MECOM: variants seen among roughly 807,000 people sequenced by gnomAD.
MECOM encodes the protein MDS1 and EVI1 complex locus, also known as histone-lysine N-methyltransferase MECOM.
Under a neutral mutation model 116.3 loss-of-function variants are expected in MECOM, and 13 were observed. The ratio of observed to expected loss-of-function variants is 0.11; its 90% CI spans 0.07 to 0.18. The LOEUF is 0.18. Ranked by LOEUF, MECOM falls within the 10% of genes least tolerant of loss-of-function variation. The pLI is 1.00. For missense variants in MECOM, 1,299 were observed against 1,509.0 expected, an observed-to-expected ratio of 0.86 and a Z score of 2.31; for synonymous variants, 528 against 535.2, an observed-to-expected ratio of 0.99 and a Z score of 0.19.
intron 2 of MECOM, among the ~76,000 whole-genome samples, chr3:169,208,426 C>T (rs985600934): frequency 2.0e-4 from 31 of 151,326 alleles, no homozygotes; most frequent in African/African-American, 7.3e-4. Context: ...AAAACAAAAG[C>T]TCATAACAGC....
chr3:169,295,867 A>G (rs1715493178), intron 2 of MECOM, among the ~76,000 whole-genome samples: 1 of 152,240 alleles, frequency 6.6e-6, no homozygotes, highest in South Asian at 2.1e-4. Flanking sequence ...TACAATCACA[A>G]GTATATTCAT....
intron 2 of MECOM, among the ~76,000 whole-genome samples, chr3:169,320,496 C>A (rs1335196044): frequency 1.3e-5 from 2 of 152,102 alleles, no homozygotes; most frequent in Non-Finnish European, 1.5e-5. Context: ...AAAGACTAAC[C>A]CTTTCCCAGG....
chr3:169,551,782 T>C (rs1312625381), intron 1 of MECOM, among the ~76,000 whole-genome samples: 2 of 152,162 alleles, frequency 1.3e-5, no homozygotes, highest in African/African-American at 2.4e-5. Flanking sequence ...TTATTTATAA[T>C]AGCTAGAAAA....
Position 169,089,132 on chromosome 3 carries a change from C to T in MECOM, c.3453G>A (p.Arg1151=), listed in dbSNP as rs753955531. Residue 1151 remains arginine, a synonymous_variant, in exon 16 of 17, where the codon AGG becomes AGA. Transcript: ENST00000651503. The part of the protein sequence containing the change: ...KSGLSALDHI[R]HFTDSLKMRK... Reference sequence around the variant, plus strand: ...TCATTTTGAGGCTATCTGTGAAGTGCCTTATATGATCTAGAGCAGAAAGTC... The same window carrying T: ...TCATTTTGAGGCTATCTGTGAAGTGTCTTATATGATCTAGAGCAGAAAGTC... The T allele has an allele frequency of 6.3e-7, 1 of 1,599,674 alleles. No homozygotes were observed. The highest frequency in any genetic ancestry group is 8.5e-7 in the Non-Finnish European group (1 of 1,173,804).
At chr3:169,528,810 G>A (rs946334518) in intron 1 of MECOM, among the ~76,000 whole-genome samples, 1 of 152,146 alleles carries the variant, frequency 6.6e-6, no homozygotes, top group Non-Finnish European at 1.5e-5. Flanking sequence ...CAACCACCCT[G>A]GAAAATCTTA....
Position 169,095,130 on chromosome 3 carries a change from G to C in MECOM, c.2965C>G (p.Gln989Glu). Residue 989 changes from glutamine (Q) to glutamate (E), a missense_variant, in exon 13 of 17, where the codon CAA (glutamine) becomes GAA (glutamate). Around this residue, in one of 6 missense-constraint regions of MECOM, gnomAD observed 32 missense variants for 96.7 expected, o/e 0.33. Coordinates refer to ENST00000651503, the MANE Select transcript of MECOM (RefSeq NM_004991.4). ...AGGTGTCTGTCTAAATTGGTTTGTT[G>C]ACCAAAACACCTATCACATAAGTGA... is the stretch of plus-strand genomic sequence containing the variant. ...KCHLCDRCFG[Q>E]QTNLDRHLKK... 2 of 1,612,774 alleles carry C rather than the reference G, an allele frequency of 1.2e-6. No homozygotes were observed. The highest frequency in any genetic ancestry group is 1.7e-6 in the Non-Finnish European group (2 of 1,179,462).
chr3:169,226,614 A>G (rs1752758308), intron 2 of MECOM, among the ~76,000 whole-genome samples: 3 of 152,364 alleles, frequency 2.0e-5, no homozygotes, highest in South Asian at 4.1e-4. Context: ...AACCAACACC[A>G]TAACACGGAA....
intron 3 of MECOM, among the ~76,000 whole-genome samples, chr3:169,136,596 TA>T (rs1212153504): frequency 6.6e-6 from 1 of 152,042 alleles, no homozygotes; most frequent in Non-Finnish European, 1.5e-5. Context: ...AACTCTGTTT[TA>T]TACTTTGAAG....
At chr3:169,645,920 G>T (rs1485843071) in intron 1 of MECOM, among the ~76,000 whole-genome samples, 4 of 152,086 alleles carry the variant, frequency 2.6e-5, no homozygotes. Context: ...AATTGGATTG[G>T]GGTTAGTATT....
At chr3:169,161,765 A>G (rs56381876) in intron 2 of MECOM, among the ~76,000 whole-genome samples, 10,717 of 152,148 alleles carry the variant, frequency 0.07, 487 homozygotes, top group South Asian at 0.19. Flanking sequence ...TTGAAATTTG[A>G]TTATAAAAAA....
intron 3 of MECOM, among the ~76,000 whole-genome samples, chr3:169,137,967 A>G (rs1736875890): frequency 6.6e-6 from 1 of 152,076 alleles, no homozygotes; most frequent in African/African-American, 2.4e-5. Flanking sequence ...TAATGTGGTC[A>G]TTTCATCTGA....
At chr3:169,366,043 C>T (rs998852230) in intron 2 of MECOM, among the ~76,000 whole-genome samples, 2 of 152,046 alleles carry the variant, frequency 1.3e-5, no homozygotes, top group Non-Finnish European at 2.9e-5. Context: ...CTTAGACTGA[C>T]AGCAATTGCG....
intron 1 of MECOM, among the ~76,000 whole-genome samples, chr3:169,511,508 T>A (rs911506925): frequency 6.6e-6 from 1 of 152,182 alleles, no homozygotes; most frequent in Non-Finnish European, 1.5e-5. Context: ...ATGCCTGTAG[T>A]CCCAGCACTT....
chr3:169,295,546 T>C (rs915894410), intron 2 of MECOM, among the ~76,000 whole-genome samples: 2 of 152,238 alleles, frequency 1.3e-5, no homozygotes, highest in African/African-American at 2.4e-5. Context: ...TTGTAGGGCA[T>C]AGTACTTGTA....
chr3:169,319,096 T>TAA (rs751122351), intron 2 of MECOM, among the ~76,000 whole-genome samples: 4 of 114,568 alleles, frequency 3.5e-5, no homozygotes, highest in Non-Finnish European at 3.7e-5. Flanking sequence ...AGACTCTGTC[T>TAA]AAAAAAAAAA....
intron 2 of MECOM, among the ~76,000 whole-genome samples, chr3:169,345,693 T>C (rs1391958077): frequency 2.1e-4 from 32 of 152,152 alleles, no homozygotes; most frequent in Non-Finnish European, 2.9e-5. Context: ...ATTCCACTTT[T>C]GTACATGCAA....
In MECOM at chr3:169,534,794, A is replaced by T. The variant is rs939987307; in HGVS notation, c.37+128542T>A. Among the ~76,000 whole-genome samples, 17 of 152,164 alleles carry T rather than the reference A, an allele frequency of 1.1e-4. 1 individual carries two copies. ...CAGAGGAGGAAACTGAGGAACAAAA[A>T]GGCTAGACCACTTGTACAAGTGGGA... On this transcript the variant is annotated intron_variant, in intron 1 of 16. Coordinates refer to ENST00000651503, the MANE Select transcript of MECOM (RefSeq NM_004991.4).
At chr3:169,324,145 T>C (rs1342264715) in intron 2 of MECOM, among the ~76,000 whole-genome samples, 1 of 151,722 alleles carries the variant, frequency 6.6e-6, no homozygotes, top group Non-Finnish European at 1.5e-5. Flanking sequence ...GAGGAAAGAG[T>C]GAGGAACTAA....
At chr3:169,329,118 A>G (rs1241239558) in intron 2 of MECOM, among the ~76,000 whole-genome samples, 5 of 152,236 alleles carry the variant, frequency 3.3e-5, no homozygotes, top group Admixed American at 1.3e-4. Flanking sequence ...ATATGCACAT[A>G]GATTATCTTT....
Sources: allele counts gnomAD v4.1 joint callset (sites outside exome capture counted in the v4.1 genomes callset), GRCh38; gene constraint gnomAD v4.1.1; regional missense constraint gnomAD v4.1.1; transcripts MANE v1.5; gene names NCBI Gene and HGNC (gene_info 2026-07-23, HGNC 2026-07-21).